The following PITPNC1 variants were observed in gnomAD, a reference collection of about 807,000 sequenced individuals.
PITPNC1 encodes the protein cytoplasmic phosphatidylinositol transfer protein 1.
Under a neutral mutation model 44.7 loss-of-function variants are expected in PITPNC1, and 18 were observed. The observed-to-expected ratio is 0.40, with a 90% CI of 0.28 to 0.60. The LOEUF is 0.60. PITPNC1 is among the 20% of genes least tolerant of loss of function. The pLI is 0.39. For missense variants in PITPNC1, 290 were observed against 418.4 expected, an observed-to-expected ratio of 0.69 and a Z score of 2.68; for synonymous variants, 141 against 149.6, an observed-to-expected ratio of 0.94 and a Z score of 0.42.
chr17:67,500,056 G>A (rs1032197700), intron 1 of PITPNC1, among the ~76,000 whole-genome samples: 4 of 152,150 alleles, frequency 2.6e-5, no homozygotes, highest in African/African-American at 9.7e-5. Flanking sequence ...AGGCTGCAGA[G>A]GATTTAGTTT....
intron 5 of PITPNC1, among the ~76,000 whole-genome samples, chr17:67,587,408 C>T (rs940349583): frequency 3.9e-5 from 6 of 152,056 alleles, no homozygotes; most frequent in African/African-American, 7.2e-5. Flanking sequence ...GTGGGAGGAT[C>T]GCTTGAGCCC....
intron 1 of PITPNC1, among the ~76,000 whole-genome samples, chr17:67,424,859 A>G (rs907005454): frequency 6.6e-6 from 1 of 151,968 alleles, no homozygotes; most frequent in Admixed American, 6.6e-5. Context: ...CTTCGTGTAT[A>G]CATCCAGATG....
chr17:67,425,005 T>G (rs1049627703), intron 1 of PITPNC1, among the ~76,000 whole-genome samples: 5 of 152,096 alleles, frequency 3.3e-5, no homozygotes, highest in African/African-American at 1.2e-4. Flanking sequence ...AGAAGTTTCT[T>G]TATAATTCTC....
At chr17:67,587,339 A>T (rs2041332526) in intron 5 of PITPNC1, among the ~76,000 whole-genome samples, 1 of 151,652 alleles carries the variant, frequency 6.6e-6, no homozygotes, top group Non-Finnish European at 1.5e-5. Context: ...AAAAAAAAAA[A>T]TTTAATTAGC....
intron 1 of PITPNC1, among the ~76,000 whole-genome samples, chr17:67,385,653 C>A (rs778714171): frequency 6.6e-6 from 1 of 152,054 alleles, no homozygotes; most frequent in Non-Finnish European, 1.5e-5. Context: ...TTGAAGTGAG[C>A]GAGACCAAGA....
At chr17:67,653,775 A>G (rs1047336516) in intron 6 of PITPNC1, among the ~76,000 whole-genome samples, 1 of 152,218 alleles carries the variant, frequency 6.6e-6, no homozygotes, top group Admixed American at 6.5e-5. Context: ...GAGTTAATGT[A>G]GGATTTCTTG....
chr17:67,507,290 T>A (rs754743823), intron 1 of PITPNC1, among the ~76,000 whole-genome samples: 3 of 151,870 alleles, frequency 2.0e-5, no homozygotes, highest in Admixed American at 6.6e-5. Context: ...TGGGTATGAG[T>A]CAAGGCCGAG....
intron 1 of PITPNC1, among the ~76,000 whole-genome samples, chr17:67,418,307 T>A (rs1446924747): frequency 6.6e-6 from 1 of 152,166 alleles, no homozygotes; most frequent in Admixed American, 6.6e-5. Context: ...CTCCCAGTCA[T>A]GGGAGAAGAC....
At chr17:67,645,709 C>T (rs1427519980) in intron 6 of PITPNC1, among the ~76,000 whole-genome samples, 2 of 152,186 alleles carry the variant, frequency 1.3e-5, no homozygotes, top group Non-Finnish European at 2.9e-5. Context: ...GAATCAGATC[C>T]AAAGTCTTCC....
chr17:67,431,615 A>G (rs2038858711), intron 1 of PITPNC1, among the ~76,000 whole-genome samples: 1 of 152,214 alleles, frequency 6.6e-6, no homozygotes, highest in Admixed American at 6.5e-5. Flanking sequence ...TGTGCTTAAA[A>G]TACATCTCAT....
intron 1 of PITPNC1, among the ~76,000 whole-genome samples, chr17:67,456,757 T>G (rs1441541488): frequency 6.6e-6 from 1 of 152,180 alleles, no homozygotes; most frequent in Non-Finnish European, 1.5e-5. Flanking sequence ...TTTACTAGGG[T>G]CTTTACTCGT....
chr17:67,598,754 A>G (rs1298873544), intron 5 of PITPNC1, among the ~76,000 whole-genome samples: 1 of 151,702 alleles, frequency 6.6e-6, no homozygotes, highest in East Asian at 1.9e-4. Flanking sequence ...TTAGCTGGGC[A>G]TGGTGGTGGG....
intron 1 of PITPNC1, among the ~76,000 whole-genome samples, chr17:67,497,281 G>A (rs1004222134): frequency 2.7e-5 from 4 of 149,960 alleles, no homozygotes; most frequent in East Asian, 2.0e-4. Context: ...GTGCAATGGC[G>A]CAATCGTGGC....
At chr17:67,400,651 ATT>A (rs1315560240) in intron 1 of PITPNC1, among the ~76,000 whole-genome samples, 1 of 151,882 alleles carries the variant, frequency 6.6e-6, no homozygotes, top group Non-Finnish European at 1.5e-5. Context: ...TCCTTTCCTT[ATT>A]TTTTGTAACC....
intron 5 of PITPNC1, among the ~76,000 whole-genome samples, chr17:67,604,361 GATGCTGGTGAC>G (rs2041582150): frequency 6.6e-6 from 1 of 152,222 alleles, no homozygotes; most frequent in Non-Finnish European, 1.5e-5. Context: ...CTAATAGCAG[GATGCTGGTGAC>G]ATATGAAGGA....
intron 1 of PITPNC1, among the ~76,000 whole-genome samples, chr17:67,517,806 T>C (rs1416109301): frequency 6.6e-6 from 1 of 152,152 alleles, no homozygotes; most frequent in Non-Finnish European, 1.5e-5. Flanking sequence ...TTGGAGATGA[T>C]GAAAATGTGG....
At chr17:67,417,109 C>T (rs770872180) in intron 1 of PITPNC1, among the ~76,000 whole-genome samples, 61 of 151,166 alleles carry the variant, frequency 4.0e-4, no homozygotes, top group African/African-American at 1.4e-3. Context: ...CCACCACGCC[C>T]GGCCAACATT....
chr17:67,555,039 A>AAT (rs2040817659), intron 4 of PITPNC1, among the ~76,000 whole-genome samples: 1 of 152,190 alleles, frequency 6.6e-6, no homozygotes, highest in African/African-American at 2.4e-5. Context: ...AAATGATAGG[A>AAT]ATATATATAG....
At chr17:67,448,226 C>T (rs2039128185) in intron 1 of PITPNC1, among the ~76,000 whole-genome samples, 1 of 152,132 alleles carries the variant, frequency 6.6e-6, no homozygotes, top group Non-Finnish European at 1.5e-5. Flanking sequence ...GGATTACAGG[C>T]ATGAGCCACT....
Sources: gnomAD v4.1 joint callset for allele counts (sites outside exome capture counted in the v4.1 genomes callset) on GRCh38, gnomAD v4.1.1 for gene constraint, MANE v1.5 for transcripts, NCBI Gene and HGNC (gene_info 2026-07-23, HGNC 2026-07-21) for gene names.